KIF26B: variants seen among roughly 807,000 people sequenced by gnomAD.
The protein encoded by KIF26B is kinesin-like protein KIF26B.
Under a neutral mutation model 151.2 loss-of-function variants are expected in KIF26B, and 63 were observed. The ratio of observed to expected loss-of-function variants is 0.42; its 90% CI spans 0.34 to 0.51. The LOEUF (loss-of-function observed/expected upper bound fraction) is 0.51. KIF26B is among the 20% of genes least tolerant of loss of function. The pLI is 0.07. For synonymous variants in KIF26B, 1,357 were observed against 1,262.1 expected (o/e 1.08, Z -1.59); for missense variants, 2,813 against 2,913.6 (o/e 0.97, Z 0.79).
chr1:245,363,131 T>C (rs1219428520), intron 2 of KIF26B, among the ~76,000 whole-genome samples: 1 of 152,224 alleles, frequency 6.6e-6, no homozygotes, highest in Non-Finnish European at 1.5e-5. Context: ...ACTGCCATTC[T>C]TTTTGTGTCC....
In KIF26B at chr1:245,303,200, T is replaced by A. The variant is rs1671464292; in HGVS notation, c.466-63634T>A. ...TTGTTGAACTAAACTAAATGTTCTTTTTTTTTTTTTTTTTTTGCGACGGAG... is the reference window on the plus strand; with the variant it reads ...TTGTTGAACTAAACTAAATGTTCTTATTTTTTTTTTTTTTTTGCGACGGAG... On this transcript the variant is annotated intron_variant, in intron 2 of 14. Transcript: ENST00000407071. Among the ~76,000 whole-genome samples the A allele has an allele frequency of 6.3e-5, 9 of 141,770 alleles. No individual in the cohort carries two copies. In the South Asian group the frequency reaches 1.8e-3, roughly 29 times the overall value. 93.0% of individuals were successfully genotyped at this position (141,770 alleles called of 152,430 possible).
chr1:245,174,941 C>T (rs192093436), intron 2 of KIF26B, among the ~76,000 whole-genome samples: 250 of 152,236 alleles, frequency 1.6e-3, no homozygotes, highest in African/African-American at 5.5e-3. Context: ...TGGTGTCTGG[C>T]CACAGATGAA....
intron 6 of KIF26B, among the ~76,000 whole-genome samples, chr1:245,605,156 A>G (rs913132297): frequency 4.0e-5 from 6 of 150,430 alleles, no homozygotes; most frequent in African/African-American, 1.4e-4. Flanking sequence ...CATGACCACA[A>G]TGTTCCTCAT....
intron 2 of KIF26B, among the ~76,000 whole-genome samples, chr1:245,163,863 C>T (rs1008348403): frequency 6.6e-6 from 1 of 151,488 alleles, no homozygotes. Flanking sequence ...TTATTAAATT[C>T]TACTATATTC....
intron 9 of KIF26B, among the ~76,000 whole-genome samples, chr1:245,643,482 AG>A (rs2043914305): frequency 2.0e-5 from 3 of 152,246 alleles, no homozygotes; most frequent in Admixed American, 2.0e-4. Flanking sequence ...ACCTTACAAT[AG>A]TATACTTCCA....
At position 245,401,929 on chromosome 1, in the gene KIF26B, C is replaced by T. The variant is rs545469325; in HGVS notation, c.1000-17650C>T. On this transcript the variant is annotated intron_variant, in intron 3 of 14. Transcript: ENST00000407071. ...CAAAAACACCACCAAAAAAAACCCC[C>T]GAAACAGCAACAACAACAACAAAAA... Among the ~76,000 whole-genome samples, 5 of 152,052 alleles carry T rather than the reference C, an allele frequency of 3.3e-5. No homozygotes were observed. In the East Asian group the frequency reaches 9.7e-4, roughly 29 times the overall value.
intron 1 of KIF26B, among the ~76,000 whole-genome samples, 151 bp downstream of exon 1, chr1:245,155,638 G>A (rs1045179120): frequency 6.6e-6 from 1 of 152,204 alleles, no homozygotes; most frequent in African/African-American, 2.4e-5. Context: ...GCGCGGAGGC[G>A]GGTCGGCCGC....
At chr1:245,259,455 A>G (rs1670594476) in intron 2 of KIF26B, among the ~76,000 whole-genome samples, 1 of 152,122 alleles carries the variant, frequency 6.6e-6, no homozygotes, top group Non-Finnish European at 1.5e-5. Flanking sequence ...CCCTTGTCAG[A>G]TCAGTTGTCA....
chr1:245,599,533 G>A (rs1052545126), intron 5 of KIF26B, among the ~76,000 whole-genome samples: 3 of 152,194 alleles, frequency 2.0e-5, no homozygotes, highest in African/African-American at 7.2e-5. Flanking sequence ...CCCTCGCCTG[G>A]CTGAGCTCAT....
chr1:245,546,411 G>GA (rs1244781307), intron 5 of KIF26B, among the ~76,000 whole-genome samples: 1 of 152,090 alleles, frequency 6.6e-6, no homozygotes, highest in East Asian at 1.9e-4. Flanking sequence ...AAACAGTGGG[G>GA]ATAGCTCTCT....
At chr1:245,335,799 A>AG (rs1672212734) in intron 2 of KIF26B, among the ~76,000 whole-genome samples, 1 of 140,548 alleles carries the variant, frequency 7.1e-6, no homozygotes, top group South Asian at 2.4e-4. Context: ...CAGGGAAAGG[A>AG]AGGTCCCACG....
At chr1:245,176,210 G>C (rs1479561622) in intron 2 of KIF26B, among the ~76,000 whole-genome samples, 1 of 151,942 alleles carries the variant, frequency 6.6e-6, no homozygotes, top group East Asian at 1.9e-4. Flanking sequence ...TGTTGGTCAG[G>C]CTGGTCTTGA....
chr1:245,458,913 C>T (rs910787943), intron 4 of KIF26B, among the ~76,000 whole-genome samples: 1 of 152,170 alleles, frequency 6.6e-6, no homozygotes, highest in Admixed American at 6.5e-5. Flanking sequence ...CAAATAAGGG[C>T]ATAGAATTAA....
Position 245,287,492 on chromosome 1 carries a change from C to CTTTT in KIF26B, c.466-79341_466-79340insTTTT, listed in dbSNP as rs1217976453. Among the ~76,000 whole-genome samples the CTTTT allele has an allele frequency of 1.2e-3, 169 of 136,432 alleles. 1 individual carries two copies. Among genetic ancestry groups the CTTTT allele is most frequent in the Non-Finnish European group, 1.9e-3 (119 of 64,320 alleles). The allele number at this position is 136,432 out of a possible 152,430, so 89.5% of individuals were successfully genotyped here. On this transcript the variant is annotated intron_variant, in intron 2 of 14. Coordinates refer to ENST00000407071, the MANE Select transcript of KIF26B (RefSeq NM_018012.4). The stretch of plus-strand genomic sequence containing the variant: ...GAGGGTCCCTGTGTGTCTCATCTCT[C>CTTTT]TCTCTCTTTTTTTTTTTTTTTTTTT...
Position 245,298,515 on chromosome 1 carries a change from C to T in KIF26B, c.466-68319C>T, listed in dbSNP as rs780091678. 5.9e-4 allele frequency among the ~76,000 whole-genome samples: 89 copies of T among 152,006 alleles called. 1 individual carries two copies. The highest frequency in any genetic ancestry group is 2.1e-4 in the South Asian group (1 of 4,822). On this transcript the variant is annotated intron_variant, in intron 2 of 14. Coordinates refer to ENST00000407071, the MANE Select transcript of KIF26B (RefSeq NM_018012.4). The stretch of plus-strand genomic sequence containing the variant: ...AGCTAGAGGGAGGGAGAATGGGTGC[C>T]GAGTTTCAGTTTGGGAAAGTGAAAA...
rs761940422 is a variant in KIF26B, at chr1:245,684,371, G to A, written c.2397G>A (p.Leu799=). The A allele has an allele frequency of 8.1e-6, 13 of 1,612,612 alleles. No homozygotes were observed. Among genetic ancestry groups the A allele is most frequent in the Non-Finnish European group, 1.1e-5 (13 of 1,179,150 alleles). The change falls in exon 11 of 15, where the codon TTG becomes TTA. Residue 799 remains leucine, a synonymous_variant. Transcript: ENST00000407071. ...CCATCCAGATTGCATCGAGAGTCTT[G>A]AGGATGAAGAAAAAGAAGACGAAGG... ...LSTIQIASRV[L]RMKKKKTKYT...
chr1:245,504,968 T>C (rs1660702779), intron 4 of KIF26B, among the ~76,000 whole-genome samples: 1 of 152,232 alleles, frequency 6.6e-6, no homozygotes, highest in Non-Finnish European at 1.5e-5. Flanking sequence ...AGAGAGAGTC[T>C]CGCTCTGTCA....
At chr1:245,407,238 C>T (rs973390196) in intron 3 of KIF26B, among the ~76,000 whole-genome samples, 3 of 152,156 alleles carry the variant, frequency 2.0e-5, no homozygotes, top group Admixed American at 6.5e-5. Context: ...AGAACCGGGG[C>T]AGGGTGGGGC....
At chr1:245,180,116 A>G (rs1235898866) in intron 2 of KIF26B, among the ~76,000 whole-genome samples, 1 of 152,254 alleles carries the variant, frequency 6.6e-6, no homozygotes, top group Non-Finnish European at 1.5e-5. Flanking sequence ...GGCTGTCGCC[A>G]TGCTTTTAAA....
Sources: gnomAD v4.1 joint callset for allele counts (sites outside exome capture counted in the v4.1 genomes callset) on GRCh38, gnomAD v4.1.1 for gene constraint, MANE v1.5 for transcripts, NCBI Gene and HGNC (gene_info 2026-07-23, HGNC 2026-07-21) for gene names.